FUBP1: variants seen among roughly 807,000 people sequenced by gnomAD.
FUBP1 encodes far upstream element binding protein 1.
Under a neutral mutation model 94.9 loss-of-function variants are expected in FUBP1, and 16 were observed. The ratio of observed to expected loss-of-function variants is 0.17; its 90% CI spans 0.11 to 0.26. The LOEUF (loss-of-function observed/expected upper bound fraction) is 0.26, where lower values mean the gene tolerates loss of function less well. Among genes scored for constraint, FUBP1 ranks in the 10% least tolerant of loss-of-function variants. The pLI, the probability that FUBP1 is intolerant of heterozygous loss-of-function variation, is 1.00. For synonymous variants in FUBP1, 279 were observed against 254.9 expected, an observed-to-expected ratio of 1.09 and a Z score of -0.90; for missense variants, 583 against 808.6, an observed-to-expected ratio of 0.72 and a Z score of 3.38.
At chr1:77,953,364 G>A (rs928792618) in intron 18 of FUBP1, among the ~76,000 whole-genome samples, 2 of 152,088 alleles carry the variant, frequency 1.3e-5, no homozygotes, top group African/African-American at 2.4e-5. Flanking sequence ...GGTAGCAGGC[G>A]CCTGTAATCC....
At chr1:77,961,232 A>G (rs1655422084) in intron 14 of FUBP1, among the ~76,000 whole-genome samples, 1 of 152,192 alleles carries the variant, frequency 6.6e-6, no homozygotes. Context: ...CTGTCCTAAA[A>G]TGCTCCTTCT....
At chr1:77,969,097 T>TA (rs921225978) in intron 2 of FUBP1, 1 of 1,156,946 alleles carries the variant, frequency 8.6e-7, no homozygotes, top group Non-Finnish European at 1.2e-6. Flanking sequence ...ACACATAAAA[T>TA]AAAAAGAATA....
In FUBP1 at chr1:77,965,205, A is replaced by G; in HGVS notation, c.500T>C (p.Ile167Thr). The G allele has an allele frequency of 6.2e-7, 1 of 1,608,490 alleles. No homozygotes were observed. Among genetic ancestry groups the G allele is most frequent in the Non-Finnish European group, 8.5e-7 (1 of 1,175,238 alleles). The stretch of plus-strand genomic sequence containing the variant: ...AGGAGCTGGTCTTCCTTTTTCAACA[A>G]TCTGGTCCAGTAACCGTTTTGCTGA... The part of the protein sequence containing the change: ...VQSAKRLLDQ[I>T]VEKGRPAPGF... Residue 167 changes from isoleucine (I) to threonine (T), a missense_variant, in exon 8 of 20, where the codon ATT becomes ACT. By Grantham distance (89) the Ile-to-Thr change is moderately conservative. Transcript: ENST00000370768.
chr1:77,947,604 TAATATGCAAAGAGCCAACA>T lies in FUBP1; in HGVS notation c.*1143_*1161del. ...TGTATTTGCATGTAGTCTAATATAT[TAATATGCAAAGAGCCAACA>T]AATATGCAAAGAGTAAAACAATGGA... On this transcript the variant is annotated 3_prime_UTR_variant, in exon 20 of 20. Transcript: ENST00000370768. The T allele has an allele frequency of 8.7e-7, 1 of 1,154,530 alleles. No homozygotes were observed. Among genetic ancestry groups the T allele is most frequent in the East Asian group, 3.8e-5 (1 of 26,434 alleles). 71.5% of individuals were successfully genotyped at this position (1,154,530 alleles called of 1,614,324 possible). A position where few individuals can be genotyped will look rare whatever the true frequency, so the allele number is the denominator to read the frequency against.
intron 2 of FUBP1, among the ~76,000 whole-genome samples, chr1:77,969,468 G>T (rs974989858): frequency 2.4e-4 from 37 of 151,680 alleles, no homozygotes; most frequent in African/African-American, 8.5e-4. Flanking sequence ...AAAAAAAAAT[G>T]GTATAACCTG....
intron 17 of FUBP1, 66 bp downstream of exon 17, chr1:77,956,506 G>A: frequency 9.5e-7 from 1 of 1,056,034 alleles, no homozygotes; most frequent in Non-Finnish European, 1.4e-6. Flanking sequence ...ATTATACAGT[G>A]ATGTACTTCA....
rs2102219933 is a variant in FUBP1 at position 77,947,655 on chromosome 1, C to T, written c.*1111G>A. On this transcript the variant is annotated 3_prime_UTR_variant, in exon 20 of 20. Transcript: ENST00000370768. ...CAAAGAGTAAAACAATGGATTTCAA[C>T]AAAATATCAGAACTTCAGCATGAGT... 1 of 746,446 alleles carries T rather than the reference C, an allele frequency of 1.3e-6. No individual in the cohort carries two copies. The highest frequency in any genetic ancestry group is 1.5e-5 in the South Asian group (1 of 68,916). The allele number at this position is 746,446 out of a possible 1,614,324, so 46.2% of individuals were successfully genotyped here. A position where few individuals can be genotyped will look rare whatever the true frequency, so the allele number is the denominator to read the frequency against.
intron 18 of FUBP1, among the ~76,000 whole-genome samples, chr1:77,951,268 C>T (rs937270725): frequency 1.3e-5 from 2 of 152,122 alleles, no homozygotes; most frequent in East Asian, 3.8e-4. Flanking sequence ...CATTGATGTT[C>T]CCTTAAAAAA....
chr1:77,952,671 T>C (rs1258251703), intron 18 of FUBP1, among the ~76,000 whole-genome samples: 1 of 152,196 alleles, frequency 6.6e-6, no homozygotes, highest in African/African-American at 2.4e-5. Flanking sequence ...GGTTTCTTAT[T>C]TGTGGTAAAA....
At position 77,964,333 on chromosome 1, in the gene FUBP1, A is replaced by G. The variant is rs1656072233; in HGVS notation, c.861T>C (p.Val287=). 2 of 1,600,058 alleles carry G rather than the reference A, an allele frequency of 1.2e-6. No individual in the cohort carries two copies. The highest frequency in any genetic ancestry group is 1.1e-5 in the South Asian group (1 of 90,918). Residue 287 remains valine (V), a synonymous_variant, in exon 11 of 20, where the codon GTT becomes GTC. Transcript: ENST00000370768. The part of the protein sequence containing the change: ...GIDVPIPRFA[V]GIVIGRNGEM... The stretch of plus-strand genomic sequence containing the variant: ...CTCCATTTCTTCCTATTACAATGCC[A>G]ACAGCAAATCTTGGAATGGGGACCT...
At position 77,946,828 on chromosome 1, in the gene FUBP1, C is replaced by T. The variant is rs1208636052; in HGVS notation, c.*1938G>A. 4.9e-6 allele frequency: 1 copy of T among 204,408 alleles called. No individual in the cohort carries two copies. The highest frequency in any genetic ancestry group is 6.0e-5 in the Admixed American group (1 of 16,742). The allele number at this position is 204,408 out of a possible 1,614,324, so 12.7% of individuals were successfully genotyped here. A position where few individuals can be genotyped will look rare whatever the true frequency, so the allele number is the denominator to read the frequency against. ...AATAGCTAACTCCTTAACTATTAAA[C>T]TTCATACTAGAACTATATATGCAGA... On this transcript the variant is annotated 3_prime_UTR_variant, in exon 20 of 20. Coordinates refer to ENST00000370768, the MANE Select transcript of FUBP1 (RefSeq NM_003902.5).
chr1:77,949,285 G>A lies in FUBP1; in HGVS notation c.1796C>T (p.Ala599Val). Residue 599 changes from alanine to valine, a missense_variant, in exon 19 of 20, where the codon GCT becomes GTT. By Grantham distance (64) the Ala-to-Val change is moderately conservative. Coordinates refer to ENST00000370768, the MANE Select transcript of FUBP1 (RefSeq NM_003902.5). ...ACCACCTGGAGGAGCCCCAGTCGGAGCAGGAACTGCCTGACCTTTGAAAAA... is the reference window on the plus strand; with the variant it reads ...ACCACCTGGAGGAGCCCCAGTCGGAACAGGAACTGCCTGACCTTTGAAAAA... ...YYKKMGQAVP[A>V]PTGAPPGGQP... 1.2e-6 allele frequency: 2 copies of A among 1,613,648 alleles called. No homozygotes were observed. The highest frequency in any genetic ancestry group is 1.7e-6 in the Non-Finnish European group (2 of 1,179,592).
rs1374968049 is a variant in FUBP1, at chr1:77,947,414, C to T, written c.*1352G>A. The T allele has an allele frequency of 3.5e-6, 2 of 573,168 alleles. No individual in the cohort carries two copies. Among genetic ancestry groups the T allele is most frequent in the Non-Finnish European group, 6.3e-6 (2 of 317,200 alleles). 35.5% of individuals were successfully genotyped at this position (573,168 alleles called of 1,614,324 possible). Reference sequence around the variant, plus strand: ...TATGTGGAACATTGACAAAAAGATACTGTTGCAGTTCATCAATTTGTCATT... The same window carrying T: ...TATGTGGAACATTGACAAAAAGATATTGTTGCAGTTCATCAATTTGTCATT... On this transcript the variant is annotated 3_prime_UTR_variant, in exon 20 of 20. Transcript: ENST00000370768.
chr1:77,956,703 A>G lies in FUBP1; in HGVS notation c.1577-3T>C. On this transcript the variant is annotated splice_region_variant and splice_polypyrimidine_tract_variant and intron_variant, in intron 16 of 19. Coordinates refer to ENST00000370768, the MANE Select transcript of FUBP1 (RefSeq NM_003902.5). ...ATTTGGATCCGTTCCTGCCTTAGCTAAAATAAATGAAAGTTCAAGGTTTGC... is the reference window on the plus strand; with the variant it reads ...ATTTGGATCCGTTCCTGCCTTAGCTGAAATAAATGAAAGTTCAAGGTTTGC... The G allele has an allele frequency of 6.2e-7, 1 of 1,608,416 alleles. No homozygotes were observed. The highest frequency in any genetic ancestry group is 8.5e-7 in the Non-Finnish European group (1 of 1,175,752).
chr1:77,952,167 G>C (rs1195069687), intron 18 of FUBP1, among the ~76,000 whole-genome samples: 1 of 152,012 alleles, frequency 6.6e-6, no homozygotes, highest in Admixed American at 6.6e-5. Context: ...CAACCTGGGA[G>C]GTGGATGCTG....
rs34747341 is a variant in FUBP1, at chr1:77,964,706, G to A, written c.777C>T (p.Gly259=). 2,878 of 1,612,894 alleles carry A rather than the reference G, an allele frequency of 1.8e-3. 37 individuals are homozygous for A. The Middle Eastern group carries it at 0.025, about 14-fold the overall frequency. The change falls in exon 10 of 20, where the codon GGC becomes GGT. Residue 259 remains glycine (G), a synonymous_variant. Transcript: ENST00000370768. ...EMVLELIRDQ[G]GFREVRNEYG... ...ACTCATTCCGAACTTCTCTGAAACC[G>A]CCTTGATCACGAATTAACTCTAACA... is the stretch of plus-strand genomic sequence containing the variant.
chr1:77,962,267 G>C (rs77468506), intron 14 of FUBP1, among the ~76,000 whole-genome samples: 1 of 152,118 alleles, frequency 6.6e-6, no homozygotes, highest in African/African-American at 2.4e-5. Flanking sequence ...AGTCAGGTCT[G>C]TCTCTGTATA....
chr1:77,950,746 G>GC (rs895155078), intron 18 of FUBP1, among the ~76,000 whole-genome samples: 7 of 152,130 alleles, frequency 4.6e-5, no homozygotes, highest in African/African-American at 1.7e-4. Context: ...AAATACTGGA[G>GC]CATGGACACA....
Position 77,964,710 on chromosome 1 carries a change from T to G in FUBP1, c.773A>C (p.Gln258Pro). 1 of 1,613,354 alleles carries G rather than the reference T, an allele frequency of 6.2e-7. No homozygotes were observed. Residue 258 changes from glutamine to proline, a missense_variant, in exon 10 of 20, where the codon CAA (glutamine) becomes CCA (proline). Gln to Pro is a moderately conservative substitution (Grantham distance 76). Coordinates refer to ENST00000370768, the MANE Select transcript of FUBP1 (RefSeq NM_003902.5). ...KEMVLELIRD[Q>P]GGFREVRNEY... ...ATTCCGAACTTCTCTGAAACCGCCT[T>G]GATCACGAATTAACTCTAACACCAT... is the stretch of plus-strand genomic sequence containing the variant.
Sources: allele counts gnomAD v4.1 joint callset (sites outside exome capture counted in the v4.1 genomes callset), GRCh38; gene constraint gnomAD v4.1.1; transcripts MANE v1.5; gene names NCBI Gene and HGNC (gene_info 2026-07-23, HGNC 2026-07-21).